The following MALRD1 variants were observed in gnomAD, a reference collection of about 807,000 sequenced individuals.
MALRD1 encodes MAM and LDL receptor class A domain containing 1.
MALRD1 carries 247 observed loss-of-function variants against 242.1 expected under a neutral mutation model. The ratio of observed to expected loss-of-function variants is 1.02; its 90% CI spans 0.92 to 1.13. The LOEUF is 1.13. MALRD1 is among the 50% of genes most tolerant of loss of function. MALRD1 has a pLI of 0.00. For missense variants in MALRD1, 2,989 were observed against 2,533.1 expected (o/e 1.18, Z -3.86); for synonymous variants, 995 against 866.6 (o/e 1.15, Z -2.60).
At chr10:19,579,602 A>C (rs1189155564) in intron 33 of MALRD1, among the ~76,000 whole-genome samples, 2 of 152,186 alleles carry the variant, frequency 1.3e-5, no homozygotes, top group African/African-American at 4.8e-5. Context: ...TCAGCTAGCC[A>C]AGAATATAAT....
intron 14 of MALRD1, among the ~76,000 whole-genome samples, chr10:19,181,254 G>A (rs777431461): frequency 3.3e-5 from 5 of 152,060 alleles, no homozygotes; most frequent in Non-Finnish European, 5.9e-5. Flanking sequence ...AAAGCTATCT[G>A]CACTCCCATG....
intron 13 of MALRD1, among the ~76,000 whole-genome samples, chr10:19,169,948 C>T (rs972355741): frequency 1.3e-5 from 2 of 152,310 alleles, no homozygotes; most frequent in Middle Eastern, 3.4e-3. Flanking sequence ...GACATCAAAT[C>T]ATGTGACCTC....
intron 36 of MALRD1, among the ~76,000 whole-genome samples, chr10:19,622,597 A>G (rs1839454161): frequency 6.6e-6 from 1 of 151,458 alleles, no homozygotes; most frequent in Admixed American, 6.6e-5. Context: ...AAACAATTAG[A>G]TATTGCATTC....
At chr10:19,688,031 G>C (rs1266503255) in intron 36 of MALRD1, among the ~76,000 whole-genome samples, 2 of 151,988 alleles carry the variant, frequency 1.3e-5, no homozygotes, top group East Asian at 3.9e-4. Flanking sequence ...GCGCAGTGGA[G>C]TGATCTCGAG....
At chr10:19,234,203 T>C (rs192719617) in intron 18 of MALRD1, among the ~76,000 whole-genome samples, 103 of 152,120 alleles carry the variant, frequency 6.8e-4, no homozygotes, top group African/African-American at 2.3e-3. Flanking sequence ...CTATAAATTG[T>C]TTCTAATTCT....
At chr10:19,556,019 G>T (rs1352440275) in intron 32 of MALRD1, among the ~76,000 whole-genome samples, 1 of 152,008 alleles carries the variant, frequency 6.6e-6, no homozygotes, top group Non-Finnish European at 1.5e-5. Flanking sequence ...TCCAACTAAG[G>T]CAACTCAGTA....
rs748253350 is a variant in MALRD1 at position 19,348,033 on chromosome 10, G to A, written c.4149+15G>A. The A allele has an allele frequency of 3.6e-5, 55 of 1,545,740 alleles. No individual in the cohort carries two copies. In the South Asian group the frequency reaches 5.6e-4, roughly 16 times the overall value. On this transcript the variant is annotated intron_variant, in intron 25 of 39. Coordinates refer to ENST00000454679, the MANE Select transcript of MALRD1 (RefSeq NM_001142308.3). ...AAAACTGCAAGGTATGGGGAAAATCGAACCAACCAACCAAACAAACACAGA... is the reference window on the plus strand; with the variant it reads ...AAAACTGCAAGGTATGGGGAAAATCAAACCAACCAACCAAACAAACACAGA...
intron 21 of MALRD1, among the ~76,000 whole-genome samples, chr10:19,295,462 G>GGTGTGT (rs10685643): frequency 0.011 from 1,645 of 149,076 alleles, 20 homozygotes; most frequent in East Asian, 0.073. Flanking sequence ...GTATGTTTTG[G>GGTGTGT]GTGTGTGTGT....
intron 28 of MALRD1, among the ~76,000 whole-genome samples, chr10:19,443,286 A>AT (rs1405662033): frequency 2.0e-5 from 3 of 152,042 alleles, no homozygotes; most frequent in Non-Finnish European, 4.4e-5. Context: ...GGATTCATTG[A>AT]TTTTTTGAAG....
chr10:19,584,832 G>A (rs1027154127), intron 33 of MALRD1, among the ~76,000 whole-genome samples: 1 of 152,004 alleles, frequency 6.6e-6, no homozygotes, highest in East Asian at 1.9e-4. Context: ...GGGTGTTAAA[G>A]TCTCCCATTA....
chr10:19,658,441 G>A (rs1287521071), intron 36 of MALRD1, among the ~76,000 whole-genome samples: 1 of 152,084 alleles, frequency 6.6e-6, no homozygotes, highest in Non-Finnish European at 1.5e-5. Flanking sequence ...TTGAAAGAGA[G>A]CAGGAGAGCT....
chr10:19,270,100 A>C (rs1196340729), intron 19 of MALRD1, among the ~76,000 whole-genome samples: 2 of 152,132 alleles, frequency 1.3e-5, no homozygotes, highest in Middle Eastern at 3.2e-3. Context: ...GGATCACCTG[A>C]GGTCAGGAGT....
intron 14 of MALRD1, among the ~76,000 whole-genome samples, chr10:19,185,141 A>C (rs1835681912): frequency 6.6e-6 from 1 of 152,238 alleles, no homozygotes; most frequent in African/African-American, 2.4e-5. Context: ...ATTATGTGTC[A>C]AATAGTATAA....
At chr10:19,203,456 C>A (rs76492483) in intron 14 of MALRD1, among the ~76,000 whole-genome samples, 2 of 152,086 alleles carry the variant, frequency 1.3e-5, no homozygotes, top group African/African-American at 4.8e-5. Flanking sequence ...ATTCTATAAG[C>A]AATCAGGCTG....
At chr10:19,547,631 A>T (rs919312024) in intron 32 of MALRD1, among the ~76,000 whole-genome samples, 3 of 150,694 alleles carry the variant, frequency 2.0e-5, no homozygotes, top group Admixed American at 6.7e-5. Context: ...ACCATAAGAT[A>T]TATATGATGT....
At chr10:19,325,750 C>T (rs1050033245) in intron 22 of MALRD1, among the ~76,000 whole-genome samples, 4 of 152,056 alleles carry the variant, frequency 2.6e-5, no homozygotes, top group Non-Finnish European at 4.4e-5. Flanking sequence ...GGACTCTCCC[C>T]CTTTTAAATA....
At position 19,400,946 on chromosome 10, in the gene MALRD1, G is replaced by A. The variant is rs569700096; in HGVS notation, c.4845+11337G>A. 3.9e-5 allele frequency among the ~76,000 whole-genome samples: 6 copies of A among 152,232 alleles called. No individual in the cohort carries two copies. In the South Asian group the frequency reaches 6.2e-4, roughly 16 times the overall value. Reference sequence around the variant, plus strand: ...CAGGAGAATCGCTTGAACCCAAAAGGTGGAGGTTGCAGTGAGCCAAGATTG... The same window carrying A: ...CAGGAGAATCGCTTGAACCCAAAAGATGGAGGTTGCAGTGAGCCAAGATTG... On this transcript the variant is annotated intron_variant, in intron 28 of 39. Transcript: ENST00000454679.
At chr10:19,392,781 AC>A (rs1225199873) in intron 28 of MALRD1, among the ~76,000 whole-genome samples, 2 of 152,234 alleles carry the variant, frequency 1.3e-5, no homozygotes, top group African/African-American at 2.4e-5. Flanking sequence ...AGAAAAAATA[AC>A]CTTTAAAAGG....
At chr10:19,615,996 A>C (rs1237380177) in intron 36 of MALRD1, 73 bp downstream of exon 36, 27 of 1,025,836 alleles carry the variant, frequency 2.6e-5, no homozygotes, top group Non-Finnish European at 3.7e-5. Flanking sequence ...ATAGGCTGAT[A>C]TAATAGAGCA....
Sources: allele counts gnomAD v4.1 joint callset (sites outside exome capture counted in the v4.1 genomes callset), GRCh38; gene constraint gnomAD v4.1.1; transcripts MANE v1.5; gene names NCBI Gene and HGNC (gene_info 2026-07-23, HGNC 2026-07-21).